Variants in CTNNA1 observed in about 807,000 individuals in gnomAD.
CTNNA1 encodes the protein catenin alpha-1.
CTNNA1 carries 37 observed loss-of-function variants against 98.4 expected under a neutral mutation model. The ratio of observed to expected loss-of-function variants is 0.38; its 90% CI spans 0.29 to 0.49. The LOEUF (loss-of-function observed/expected upper bound fraction) is 0.49, where lower values mean the gene tolerates loss of function less well. Among genes scored for constraint, CTNNA1 ranks in the 20% least tolerant of loss-of-function variants. The pLI is 0.95. For missense variants in CTNNA1, 761 were observed against 1,147.2 expected (o/e 0.66, Z 4.86); for synonymous variants, 404 against 413.2 (o/e 0.98, Z 0.27).
rs1166971890 is a variant in CTNNA1 at position 138,824,611 on chromosome 5, G to A, written c.670G>A (p.Ala224Thr). 2.8e-5 allele frequency: 46 copies of A among 1,614,084 alleles called. No homozygotes were observed. Among genetic ancestry groups the A allele is most frequent in the Non-Finnish European group, 3.8e-5 (45 of 1,180,050 alleles). The change falls in exon 6 of 18, where the codon GCA becomes ACA. Residue 224 changes from alanine to threonine, a missense_variant. Ala to Thr is a moderately conservative substitution (Grantham distance 58). Around this residue, in one of 6 missense-constraint regions of CTNNA1, gnomAD observed 328 missense variants for 354.3 expected, o/e 0.93. Coordinates refer to ENST00000302763, the MANE Select transcript of CTNNA1 (RefSeq NM_001903.5). ...LQKNVPILYT[A>T]SQACLQHPDV... ...GAAGAACGTTCCGATCCTCTATACT[G>A]CATCCCAGGCATGCCTACAGCACCC...
intron 3 of CTNNA1, among the ~76,000 whole-genome samples, chr5:138,805,043 C>T (rs990591004): frequency 6.6e-6 from 1 of 152,114 alleles, no homozygotes; most frequent in Non-Finnish European, 1.5e-5. Context: ...AGGCATCTAA[C>T]ATGGTGGGGA....
chr5:138,920,525 C>T (rs1209200094), intron 11 of CTNNA1, among the ~76,000 whole-genome samples: 1 of 152,226 alleles, frequency 6.6e-6, no homozygotes, highest in Non-Finnish European at 1.5e-5. Context: ...GTGCCCAGCA[C>T]AGGATCTGGC....
rs775187806 is a variant in CTNNA1 at position 138,930,610 on chromosome 5, C to G, written c.2148C>G (p.Ala716=). The G allele has an allele frequency of 4.0e-5, 65 of 1,613,608 alleles. No homozygotes were observed. The highest frequency in any genetic ancestry group is 5.3e-5 in the Non-Finnish European group (62 of 1,179,904). Reference sequence around the variant, plus strand: ...GTGGCAATGACATCATTGTGCTGGCCAAGCAGATGTGCATGATTATGATGG... The same window carrying G: ...GTGGCAATGACATCATTGTGCTGGCGAAGCAGATGTGCATGATTATGATGG... The part of the protein sequence containing the change: ...DDSGNDIIVL[A]KQMCMIMMEM... Residue 716 remains alanine (A), a synonymous_variant, in exon 15 of 18, where the codon GCC becomes GCG. Transcript: ENST00000302763.
intron 3 of CTNNA1, among the ~76,000 whole-genome samples, chr5:138,807,066 A>G (rs1758159012): frequency 7.0e-6 from 1 of 143,330 alleles, no homozygotes; most frequent in Non-Finnish European, 1.5e-5. Context: ...GCTGGAGTGC[A>G]GTGGCGCAAT....
chr5:138,896,933 G>T (rs1756943580), intron 9 of CTNNA1, among the ~76,000 whole-genome samples: 1 of 152,144 alleles, frequency 6.6e-6, no homozygotes, highest in East Asian at 1.9e-4. Flanking sequence ...GCTGTGAGCA[G>T]CTTAAACAGC....
intron 7 of CTNNA1, among the ~76,000 whole-genome samples, chr5:138,853,628 T>C (rs910421690): frequency 7.2e-5 from 11 of 152,186 alleles, no homozygotes; most frequent in Non-Finnish European, 1.5e-4. Flanking sequence ...TGCACATAAG[T>C]TTGGGACTAT....
chr5:138,812,402 C>A (rs137979225), intron 5 of CTNNA1, 100 bp downstream of exon 5: 3 of 1,293,640 alleles, frequency 2.3e-6, no homozygotes, highest in Non-Finnish European at 2.1e-6. Flanking sequence ...TACTTACCTT[C>A]GCCAATATAG....
At chr5:138,800,819 A>G (rs1013563979) in intron 3 of CTNNA1, among the ~76,000 whole-genome samples, 1 of 151,994 alleles carries the variant, frequency 6.6e-6, no homozygotes, top group African/African-American at 2.4e-5. Flanking sequence ...AAAAAGTGCA[A>G]CAGAAGGGTG....
At chr5:138,771,853 C>G (rs1254306775) in intron 1 of CTNNA1, among the ~76,000 whole-genome samples, 1 of 152,088 alleles carries the variant, frequency 6.6e-6, no homozygotes, top group Non-Finnish European at 1.5e-5. Flanking sequence ...GCTTCGGGTA[C>G]TTTTAATTTC....
At chr5:138,882,194 CTGAACT>C (rs1753058213) in intron 7 of CTNNA1, among the ~76,000 whole-genome samples, 2 of 152,186 alleles carry the variant, frequency 1.3e-5, no homozygotes, top group Non-Finnish European at 2.9e-5. Context: ...TGTGGGGACA[CTGAACT>C]TGAACTTAGG....
At chr5:138,904,652 C>A in intron 10 of CTNNA1, 3 of 599,178 alleles carry the variant, frequency 5.0e-6, no homozygotes, top group Non-Finnish European at 8.1e-6. Flanking sequence ...TTACTCCTGG[C>A]CCTTCATTGA....
At chr5:138,927,133 T>A (rs2150310389) in intron 13 of CTNNA1, among the ~76,000 whole-genome samples, 1 of 152,328 alleles carries the variant, frequency 6.6e-6, no homozygotes, top group Non-Finnish European at 1.5e-5. Flanking sequence ...GCCACTCAGC[T>A]GGTTCCCTGT....
intron 11 of CTNNA1, among the ~76,000 whole-genome samples, chr5:138,922,523 AT>A (rs1763128065): frequency 1.3e-5 from 2 of 152,168 alleles, no homozygotes; most frequent in Non-Finnish European, 2.9e-5. Flanking sequence ...ATGTGTATGA[AT>A]TTTTTTCTAT....
chr5:138,931,579 A>G (rs1765340089), intron 16 of CTNNA1: 3 of 984,644 alleles, frequency 3.0e-6, no homozygotes, highest in Non-Finnish European at 3.6e-6. Flanking sequence ...ACAATCGGTA[A>G]TAGGGCCTAT....
intron 7 of CTNNA1, among the ~76,000 whole-genome samples, chr5:138,833,266 G>A (rs528963302): frequency 1.3e-5 from 2 of 152,242 alleles, no homozygotes; most frequent in South Asian, 4.1e-4. Flanking sequence ...CTGGCGTTAG[G>A]GCTTATAATT....
At chr5:138,814,827 C>T (rs1375070305) in intron 5 of CTNNA1, among the ~76,000 whole-genome samples, 1 of 151,850 alleles carries the variant, frequency 6.6e-6, no homozygotes, top group African/African-American at 2.4e-5. Context: ...GATCTCGGCT[C>T]ACTGCAACCT....
intron 11 of CTNNA1, among the ~76,000 whole-genome samples, chr5:138,923,776 G>T (rs1026890816): frequency 6.6e-6 from 1 of 152,204 alleles, no homozygotes; most frequent in Admixed American, 6.5e-5. Context: ...TTGTGGTGGG[G>T]TTCCTAAAAA....
rs1179685821 is a variant in CTNNA1, at chr5:138,874,888, A to G, written c.1063-11324A>G. 3 of 1,609,974 alleles carry G rather than the reference A, an allele frequency of 1.9e-6. No homozygotes were observed. Among genetic ancestry groups the G allele is most frequent in the African/African-American group, 1.3e-5 (1 of 74,788 alleles). On this transcript the variant is annotated intron_variant, in intron 7 of 17. Transcript: ENST00000302763. The surrounding 1 kb of genome is among the most constrained non-coding windows in gnomAD (Gnocchi z 4.1). ...TGATTCCTTGTTGAATGTACAAGAC[A>G]TATAAATGCACAGACTTACCCATTC...
At chr5:138,828,842 C>A (rs942368469) in intron 7 of CTNNA1, among the ~76,000 whole-genome samples, 1 of 152,122 alleles carries the variant, frequency 6.6e-6, no homozygotes, top group Non-Finnish European at 1.5e-5. Flanking sequence ...AGCCATTGCC[C>A]CCTGGGCATG....
Sources: allele counts gnomAD v4.1 joint callset (sites outside exome capture counted in the v4.1 genomes callset), GRCh38; gene constraint gnomAD v4.1.1; regional missense constraint gnomAD v4.1.1; non-coding constraint Gnocchi (gnomAD v3.1); transcripts MANE v1.5; gene names NCBI Gene and HGNC (gene_info 2026-07-23, HGNC 2026-07-21).